Variants in NAALADL2 observed in about 807,000 individuals in gnomAD.
NAALADL2 encodes the protein N-acetylated alpha-linked acidic dipeptidase like 2, also known as inactive N-acetylated-alpha-linked acidic dipeptidase-like protein 2.
Under a neutral mutation model 87.2 loss-of-function variants are expected in NAALADL2, and 76 were observed. The observed-to-expected ratio is 0.87, with a 90% CI of 0.72 to 1.05. The LOEUF is 1.05. NAALADL2 is among the 50% of genes least tolerant of loss of function. The probability of loss-of-function intolerance (pLI) is 0.00; values close to 1 mark genes in which losing one functional copy is unlikely to be tolerated. For missense variants in NAALADL2, 1,089 were observed against 945.8 expected (o/e 1.15, Z -1.99); for synonymous variants, 354 against 331.0 (o/e 1.07, Z -0.75).
chr3:174,822,588 C>T (rs1259229469), intron 3 of NAALADL2, among the ~76,000 whole-genome samples: 1 of 152,012 alleles, frequency 6.6e-6, no homozygotes, highest in Non-Finnish European at 1.5e-5. Flanking sequence ...AGAAAATCAG[C>T]TCAGAAAAGT....
intron 3 of NAALADL2, among the ~76,000 whole-genome samples, chr3:174,840,119 C>A (rs984808040): frequency 1.3e-5 from 2 of 151,066 alleles, no homozygotes; most frequent in African/African-American, 2.4e-5. Flanking sequence ...CATCAATCAA[C>A]GAGTGGATAA....
intron 13 of NAALADL2, among the ~76,000 whole-genome samples, chr3:175,789,926 AAATT>A (rs568497032): frequency 6.6e-6 from 1 of 152,186 alleles, no homozygotes; most frequent in South Asian, 2.1e-4. Flanking sequence ...ATAATTTAAT[AAATT>A]AATAATGGAT....
chr3:174,699,617 A>G, intron 2 of NAALADL2, among the ~76,000 whole-genome samples: 1 of 152,206 alleles, frequency 6.6e-6, no homozygotes, highest in Non-Finnish European at 1.5e-5. Flanking sequence ...TTTGATAACA[A>G]AATGTTGCTA....
intron 3 of NAALADL2, among the ~76,000 whole-genome samples, chr3:174,758,434 T>C (rs970889817): frequency 6.6e-6 from 1 of 152,172 alleles, no homozygotes; most frequent in African/African-American, 2.4e-5. Context: ...CTTTCGTCCC[T>C]TAAATGTCAT....
At chr3:175,220,826 G>A (rs1743239723) in intron 2 of NAALADL2, among the ~76,000 whole-genome samples, 1 of 151,728 alleles carries the variant, frequency 6.6e-6, no homozygotes, top group Non-Finnish European at 1.5e-5. Flanking sequence ...TTTGCTTAAG[G>A]CAATACATTT....
intron 11 of NAALADL2, among the ~76,000 whole-genome samples, chr3:175,729,970 G>T (rs1474831616): frequency 6.6e-6 from 1 of 151,956 alleles, no homozygotes; most frequent in Non-Finnish European, 1.5e-5. Context: ...ATAAACTATG[G>T]TTACTTTAAT....
chr3:175,414,930 TGTAGA>T (rs1454420907), intron 5 of NAALADL2, among the ~76,000 whole-genome samples: 3 of 152,306 alleles, frequency 2.0e-5, no homozygotes, highest in South Asian at 2.1e-4. Flanking sequence ...TGGGACACTA[TGTAGA>T]GTAAACTTGG....
chr3:174,902,790 A>G (rs1484261547), intron 1 of NAALADL2, among the ~76,000 whole-genome samples: 1 of 152,092 alleles, frequency 6.6e-6, no homozygotes, highest in Non-Finnish European at 1.5e-5. Context: ...GGAGGGCGGC[A>G]CTGATGGTAA....
intron 13 of NAALADL2, among the ~76,000 whole-genome samples, chr3:175,760,672 T>C (rs1747883611): frequency 6.6e-6 from 1 of 152,152 alleles, no homozygotes; most frequent in Non-Finnish European, 1.5e-5. Flanking sequence ...ACTCCTTCCT[T>C]TACTGTCATT....
intron 3 of NAALADL2, among the ~76,000 whole-genome samples, chr3:174,816,408 G>GTA (rs1477565968): frequency 6.0e-5 from 6 of 100,418 alleles, no homozygotes; most frequent in African/African-American, 3.1e-4. Context: ...GTGTGTATGT[G>GTA]TGTGCGTGTG....
At chr3:175,390,181 A>T (rs1204305752) in intron 5 of NAALADL2, among the ~76,000 whole-genome samples, 2 of 152,136 alleles carry the variant, frequency 1.3e-5, no homozygotes, top group Admixed American at 1.3e-4. Flanking sequence ...TGCTGAAAAA[A>T]ATTATACTGT....
chr3:175,648,296 A>T (rs1257102910), intron 11 of NAALADL2, among the ~76,000 whole-genome samples: 1 of 152,056 alleles, frequency 6.6e-6, no homozygotes, highest in East Asian at 1.9e-4. Context: ...GTGCAGACAT[A>T]ACAGGGTCTT....
intron 2 of NAALADL2, among the ~76,000 whole-genome samples, chr3:175,222,102 T>C (rs989083639): frequency 2.6e-5 from 4 of 152,208 alleles, no homozygotes; most frequent in Admixed American, 2.0e-4. Context: ...TGAGAATAGG[T>C]ATCCCATGGC....
chr3:174,691,419 ATAAT>A (rs1728566123), intron 2 of NAALADL2, among the ~76,000 whole-genome samples: 1 of 138,460 alleles, frequency 7.2e-6, no homozygotes, highest in South Asian at 2.2e-4. Flanking sequence ...CTCAAAAAAA[ATAAT>A]TAAATAAAAC....
chr3:175,457,781 A>T (rs914497526), intron 6 of NAALADL2, among the ~76,000 whole-genome samples: 3 of 148,552 alleles, frequency 2.0e-5, no homozygotes, highest in African/African-American at 7.5e-5. Flanking sequence ...AAGCTTTAGG[A>T]TTACAGGCAT....
intron 3 of NAALADL2, among the ~76,000 whole-genome samples, chr3:174,774,182 A>T (rs1361856894): frequency 1.3e-5 from 2 of 152,152 alleles, no homozygotes; most frequent in African/African-American, 4.8e-5. Flanking sequence ...ATGGGATTAT[A>T]ACCAATAGAT....
intron 2 of NAALADL2, among the ~76,000 whole-genome samples, chr3:175,159,742 GA>G (rs1732843640): frequency 6.6e-6 from 1 of 151,948 alleles, no homozygotes; most frequent in African/African-American, 2.4e-5. Flanking sequence ...TAAGATTATT[GA>G]AGTAATAAAA....
chr3:174,698,459 C>T (rs561868953), intron 2 of NAALADL2, among the ~76,000 whole-genome samples: 28 of 152,116 alleles, frequency 1.8e-4, no homozygotes, highest in Non-Finnish European at 2.8e-4. Context: ...AAGAAGTCTA[C>T]AATGTAATTA....
At chr3:175,022,245 G>T (rs949381623) in intron 1 of NAALADL2, among the ~76,000 whole-genome samples, 3 of 151,968 alleles carry the variant, frequency 2.0e-5, no homozygotes, top group Non-Finnish European at 4.4e-5. Context: ...GATATTTACT[G>T]CAATGCATGA....
Sources: allele counts gnomAD v4.1 joint callset (sites outside exome capture counted in the v4.1 genomes callset), GRCh38; gene constraint gnomAD v4.1.1; transcripts MANE v1.5; gene names NCBI Gene and HGNC (gene_info 2026-07-23, HGNC 2026-07-21).